The following RALYL variants were observed in gnomAD, a reference collection of about 807,000 sequenced individuals.
RALYL encodes the protein RALY RNA binding protein like.
Under a neutral mutation model 35.1 loss-of-function variants are expected in RALYL, and 29 were observed. That is an observed-to-expected ratio of 0.83 (90% CI 0.61 to 1.13). RALYL has a LOEUF of 1.13. Ranked by LOEUF, RALYL falls within the 50% of genes most tolerant of loss-of-function variation. The pLI, the probability that RALYL is intolerant of heterozygous loss-of-function variation, is 0.00. For synonymous variants in RALYL, 120 were observed against 127.6 expected, an observed-to-expected ratio of 0.94 and a Z score of 0.40; for missense variants, 359 against 360.4, an observed-to-expected ratio of 1.00 and a Z score of 0.03.
chr8:84,685,318 A>G (rs1247255057), intron 2 of RALYL, among the ~76,000 whole-genome samples: 8 of 151,956 alleles, frequency 5.3e-5, no homozygotes, highest in African/African-American at 1.7e-4. Flanking sequence ...TTTTTTCTCT[A>G]CCCATTGTAA....
Position 84,287,619 on chromosome 8 carries a change from G to A in RALYL, c.-24+103195G>A, listed in dbSNP as rs575778100. ...GCAAACAGAAACAACCCATTGTTTC[G>A]AAGGCCATGGGGGAAAAAAAAGCCC... is the stretch of plus-strand genomic sequence containing the variant. On this transcript the variant is annotated intron_variant, in intron 1 of 8. Coordinates refer to ENST00000521268, the MANE Select transcript of RALYL (RefSeq NM_173848.7). Among the ~76,000 whole-genome samples the A allele has an allele frequency of 3.3e-5, 5 of 151,904 alleles. No homozygotes were observed. The East Asian group carries it at 7.8e-4, about 24-fold the overall frequency.
chr8:84,730,565 T>C (rs1486576122), intron 2 of RALYL, among the ~76,000 whole-genome samples: 3 of 152,120 alleles, frequency 2.0e-5, no homozygotes, highest in South Asian at 4.2e-4. Context: ...AAATAAAGGG[T>C]ATTCAATTAG....
chr8:84,575,105 A>C (rs925548987), intron 2 of RALYL, among the ~76,000 whole-genome samples: 1 of 152,118 alleles, frequency 6.6e-6, no homozygotes, highest in Non-Finnish European at 1.5e-5. Flanking sequence ...ACAGCATTAC[A>C]TTTTTATTCT....
chr8:84,833,370 G>A (rs1484501748), intron 4 of RALYL, among the ~76,000 whole-genome samples: 1 of 152,056 alleles, frequency 6.6e-6, no homozygotes, highest in African/African-American at 2.4e-5. Flanking sequence ...GGGTGCAGTG[G>A]CTCATGCCTG....
intron 3 of RALYL, among the ~76,000 whole-genome samples, chr8:84,790,242 G>T (rs1402370314): frequency 6.6e-6 from 1 of 152,240 alleles, no homozygotes. Flanking sequence ...GCAGCCATTA[G>T]AACTTAAGAG....
chr8:84,700,043 A>G (rs1050236264), intron 2 of RALYL, among the ~76,000 whole-genome samples: 2 of 152,144 alleles, frequency 1.3e-5, no homozygotes, highest in African/African-American at 4.8e-5. Context: ...ATAGAATTTC[A>G]TTATCCTTAA....
chr8:84,539,078 G>A (rs1003695621), intron 2 of RALYL, among the ~76,000 whole-genome samples: 4 of 152,120 alleles, frequency 2.6e-5, no homozygotes, highest in Admixed American at 6.5e-5. Flanking sequence ...AGCTTGCAAT[G>A]TTTGTGAAAG....
chr8:84,734,961 A>G (rs185823671), intron 2 of RALYL, among the ~76,000 whole-genome samples: 140 of 151,276 alleles, frequency 9.3e-4, no homozygotes, highest in African/African-American at 3.3e-3. Context: ...TAAAACATGA[A>G]TATATATATA....
At chr8:84,693,753 A>C (rs1838561807) in intron 2 of RALYL, among the ~76,000 whole-genome samples, 1 of 151,976 alleles carries the variant, frequency 6.6e-6, no homozygotes, top group South Asian at 2.1e-4. Context: ...AACATTTTAA[A>C]AGAATCAGTG....
At chr8:84,597,208 C>T (rs533976100) in intron 2 of RALYL, among the ~76,000 whole-genome samples, 5 of 152,024 alleles carry the variant, frequency 3.3e-5, no homozygotes, top group African/African-American at 9.7e-5. Context: ...CCTTTATCAC[C>T]GTGGCGCTTA....
intron 2 of RALYL, among the ~76,000 whole-genome samples, chr8:84,760,928 A>G (rs1812532298): frequency 6.6e-6 from 1 of 152,108 alleles, no homozygotes; most frequent in African/African-American, 2.4e-5. Context: ...CTGTAACTGC[A>G]TGATATCTAC....
chr8:84,622,753 G>A (rs995577199), intron 2 of RALYL, among the ~76,000 whole-genome samples: 105 of 152,270 alleles, frequency 6.9e-4, no homozygotes, highest in African/African-American at 2.5e-3. Flanking sequence ...ATTATGGAAA[G>A]CCCATGTAGA....
chr8:84,753,192 T>C (rs1810495573), intron 2 of RALYL, among the ~76,000 whole-genome samples: 1 of 152,220 alleles, frequency 6.6e-6, no homozygotes, highest in Admixed American at 6.5e-5. Context: ...CCCTGCTGGC[T>C]TTCAGAATTG....
At chr8:84,798,233 C>A (rs1188955146) in intron 3 of RALYL, among the ~76,000 whole-genome samples, 1 of 152,052 alleles carries the variant, frequency 6.6e-6, no homozygotes, top group Non-Finnish European at 1.5e-5. Context: ...TACTGCATAT[C>A]TTCTCCAATA....
intron 1 of RALYL, among the ~76,000 whole-genome samples, chr8:84,342,277 A>ATATATATATAT (rs1848942440): frequency 0.013 from 887 of 66,132 alleles, 104 homozygotes; most frequent in African/African-American, 0.061. Context: ...AGCATCGTTC[A>ATATATATATAT]ATATATATAT....
intron 1 of RALYL, among the ~76,000 whole-genome samples, chr8:84,244,566 C>A (rs898535382): frequency 1.3e-5 from 2 of 152,158 alleles, no homozygotes; most frequent in Non-Finnish European, 2.9e-5. Flanking sequence ...CCACTTTTTG[C>A]CCACTGTACT....
At chr8:84,367,371 G>A (rs868785950) in intron 1 of RALYL, among the ~76,000 whole-genome samples, 9 of 53,400 alleles carry the variant, frequency 1.7e-4, no homozygotes, top group African/African-American at 3.2e-4. Context: ...TTTTTTTTTA[G>A]TAGAGGCAGG....
At chr8:84,692,285 T>G (rs1193910097) in intron 2 of RALYL, among the ~76,000 whole-genome samples, 1 of 151,972 alleles carries the variant, frequency 6.6e-6, no homozygotes, top group African/African-American at 2.4e-5. Flanking sequence ...TGATTGAACA[T>G]ATAGAAAAAT....
chr8:84,844,970 G>A (rs1834298139), intron 4 of RALYL, among the ~76,000 whole-genome samples: 1 of 151,980 alleles, frequency 6.6e-6, no homozygotes, highest in African/African-American at 2.4e-5. Flanking sequence ...GCCTGTTGTG[G>A]GGTGGGGGAA....
Sources: allele counts gnomAD v4.1 joint callset (sites outside exome capture counted in the v4.1 genomes callset), GRCh38; gene constraint gnomAD v4.1.1; transcripts MANE v1.5; gene names NCBI Gene and HGNC (gene_info 2026-07-23, HGNC 2026-07-21).